ZNF407: variants seen among roughly 807,000 people sequenced by gnomAD.
ZNF407 encodes the protein zinc finger protein 407.
ZNF407 carries 17 observed loss-of-function variants against 131.2 expected under a neutral mutation model. That is an observed-to-expected ratio of 0.13 (90% CI 0.09 to 0.19). The LOEUF (loss-of-function observed/expected upper bound fraction) is 0.19, where lower values mean the gene tolerates loss of function less well. Ranked by LOEUF, ZNF407 falls within the 10% of genes least tolerant of loss-of-function variation. ZNF407 has a pLI of 1.00. For synonymous variants in ZNF407, 1,156 were observed against 1,062.0 expected (o/e 1.09, Z -1.72); for missense variants, 2,681 against 2,830.6 (o/e 0.95, Z 1.20).
chr18:74,696,127 C>G (rs1280427399), intron 3 of ZNF407, among the ~76,000 whole-genome samples: 1 of 152,154 alleles, frequency 6.6e-6, no homozygotes, highest in East Asian at 1.9e-4. Context: ...TGCTGTGGTT[C>G]TCCTAGAGCA....
At chr18:74,837,603 T>C (rs1183174813) in intron 4 of ZNF407, among the ~76,000 whole-genome samples, 2 of 152,126 alleles carry the variant, frequency 1.3e-5, no homozygotes, top group East Asian at 3.8e-4. Context: ...TGCCTATCTT[T>C]GCTGAAGGGC....
intron 8 of ZNF407, among the ~76,000 whole-genome samples, chr18:74,986,671 C>T (rs1972655896): frequency 1.3e-5 from 2 of 152,248 alleles, no homozygotes; most frequent in South Asian, 4.1e-4. Context: ...AACATGCAAT[C>T]ATATTATGTT....
intron 8 of ZNF407, among the ~76,000 whole-genome samples, chr18:74,965,922 G>A (rs994358593): frequency 7.9e-5 from 12 of 152,150 alleles, no homozygotes; most frequent in African/African-American, 2.7e-4. Context: ...CGATGATGTT[G>A]AGCACCTTTC....
intron 1 of ZNF407, among the ~76,000 whole-genome samples, chr18:74,613,373 G>A (rs1189581255): frequency 6.6e-6 from 1 of 152,094 alleles, no homozygotes; most frequent in African/African-American, 2.4e-5. Context: ...AACATGTATA[G>A]GAAAAACAAA....
At chr18:74,847,872 A>G (rs1244859775) in intron 4 of ZNF407, among the ~76,000 whole-genome samples, 1 of 151,000 alleles carries the variant, frequency 6.6e-6, no homozygotes, top group Non-Finnish European at 1.5e-5. Flanking sequence ...AAAACACGCT[A>G]CCCAGCACAG....
intron 3 of ZNF407, among the ~76,000 whole-genome samples, chr18:74,729,513 T>C (rs570075253): frequency 1.1e-4 from 16 of 152,108 alleles, no homozygotes; most frequent in Non-Finnish European, 2.2e-4. Context: ...GTGTTTTTTT[T>C]TGTCTTGCAT....
intron 4 of ZNF407, among the ~76,000 whole-genome samples, chr18:74,843,661 C>G (rs1281791186): frequency 1.3e-5 from 2 of 152,174 alleles, no homozygotes; most frequent in Non-Finnish European, 2.9e-5. Flanking sequence ...TGAGATTATG[C>G]TTGGAGAATC....
intron 8 of ZNF407, among the ~76,000 whole-genome samples, chr18:74,942,289 A>G (rs1032691973): frequency 2.0e-5 from 3 of 152,226 alleles, no homozygotes; most frequent in African/African-American, 7.2e-5. Context: ...AGTGAAGATC[A>G]TCAGCCTTGG....
chr18:75,008,000 A>G (rs1356194037), intron 8 of ZNF407, among the ~76,000 whole-genome samples: 1 of 152,200 alleles, frequency 6.6e-6, no homozygotes, highest in Non-Finnish European at 1.5e-5. Context: ...ATTGAAATGC[A>G]CAGGCTCAAG....
At chr18:74,600,052 A>G (rs1982513261) in intron 1 of ZNF407, among the ~76,000 whole-genome samples, 1 of 152,214 alleles carries the variant, frequency 6.6e-6, no homozygotes, top group South Asian at 2.1e-4. Context: ...CTAGAGTAAA[A>G]TGATGAACAA....
Position 74,704,719 on chromosome 18 carries a change from G to A in ZNF407, c.4802+63597G>A, listed in dbSNP as rs562269044. Among the ~76,000 whole-genome samples, 119 of 152,326 alleles carry A rather than the reference G, an allele frequency of 7.8e-4. 1 individual carries two copies. The highest frequency in any genetic ancestry group is 2.7e-3 in the African/African-American group (111 of 41,562). On this transcript the variant is annotated intron_variant, in intron 3 of 8. Transcript: ENST00000299687. The stretch of plus-strand genomic sequence containing the variant: ...CTTAAGTTGCGTGCTCTTTGCATTA[G>A]TAGCTTTAGCAAGATGTTTTCTTGC...
At chr18:74,821,058 C>T (rs1970333287) in intron 4 of ZNF407, among the ~76,000 whole-genome samples, 1 of 152,038 alleles carries the variant, frequency 6.6e-6, no homozygotes, top group Non-Finnish European at 1.5e-5. Flanking sequence ...CATCAGTCTT[C>T]AGTTCTGTGA....
At chr18:74,774,966 G>A (rs536336965) in intron 3 of ZNF407, among the ~76,000 whole-genome samples, 4 of 152,274 alleles carry the variant, frequency 2.6e-5, no homozygotes, top group African/African-American at 7.2e-5. Context: ...AAACGTTAGT[G>A]GTGAGCCGGT....
At chr18:74,995,662 A>AG (rs1972772072) in intron 8 of ZNF407, among the ~76,000 whole-genome samples, 1 of 152,048 alleles carries the variant, frequency 6.6e-6, no homozygotes, top group Non-Finnish European at 1.5e-5. Flanking sequence ...CATTTGGAAG[A>AG]GGCTTTGGTG....
chr18:74,630,976 G>A lies in ZNF407; in HGVS notation c.-44G>A. ...TTTGTTTACTTCACAGGTTATGAGT[G>A]CCAGTGAGCCGCCTTAGATAGAAGC... is the stretch of plus-strand genomic sequence containing the variant. On this transcript the variant is annotated 5_prime_UTR_variant, in exon 2 of 9. Transcript: ENST00000299687. 6.5e-7 allele frequency: 1 copy of A among 1,544,768 alleles called. No homozygotes were observed. The highest frequency in any genetic ancestry group is 1.4e-5 in the African/African-American group (1 of 72,654).
chr18:74,679,582 G>C (rs887506879), intron 3 of ZNF407, among the ~76,000 whole-genome samples: 20 of 152,296 alleles, frequency 1.3e-4, no homozygotes, highest in African/African-American at 4.3e-4. Flanking sequence ...CTCTTCTTCT[G>C]TATCCTCAAG....
chr18:74,668,524 T>G (rs1986018698), intron 3 of ZNF407, among the ~76,000 whole-genome samples: 1 of 152,244 alleles, frequency 6.6e-6, no homozygotes, highest in Admixed American at 6.5e-5. Flanking sequence ...TTTCTACATC[T>G]GTATTTATAC....
At chr18:74,986,428 A>G (rs1436713200) in intron 8 of ZNF407, among the ~76,000 whole-genome samples, 1 of 152,232 alleles carries the variant, frequency 6.6e-6, no homozygotes, top group Non-Finnish European at 1.5e-5. Flanking sequence ...AAATACTCCA[A>G]AGAAGCCATT....
chr18:74,667,228 G>A (rs912670893), intron 3 of ZNF407, among the ~76,000 whole-genome samples: 3 of 152,120 alleles, frequency 2.0e-5, no homozygotes, highest in Non-Finnish European at 4.4e-5. Flanking sequence ...TGTGGAGTCC[G>A]GTGTGCTGAC....
Sources: allele counts gnomAD v4.1 joint callset (sites outside exome capture counted in the v4.1 genomes callset), GRCh38; gene constraint gnomAD v4.1.1; transcripts MANE v1.5; gene names NCBI Gene and HGNC (gene_info 2026-07-23, HGNC 2026-07-21).